DNAJC15: variants seen among roughly 807,000 people sequenced by gnomAD.
DNAJC15 encodes dnaJ homolog subfamily C member 15.
In DNAJC15, 27 loss-of-function variants were observed where a neutral mutation model predicts 22.4. That is an observed-to-expected ratio of 1.20 (90% CI 0.89 to 1.66). DNAJC15 has a LOEUF of 1.66. Among genes scored for constraint, DNAJC15 ranks in the 40% most tolerant of loss-of-function variants. DNAJC15 has a pLI of 0.00. For missense variants in DNAJC15, 208 were observed against 187.1 expected (o/e 1.11, Z -0.65); for synonymous variants, 79 against 63.2 (o/e 1.25, Z -1.19).
chr13:43,040,797 C>T (rs981249921), intron 1 of DNAJC15, among the ~76,000 whole-genome samples: 5 of 151,992 alleles, frequency 3.3e-5, no homozygotes, highest in East Asian at 3.9e-4. Context: ...CAGATAAGCA[C>T]GTGAACAAAG....
chr13:43,078,682 G>T lies in DNAJC15; in HGVS notation c.305G>T (p.Gly102Val). The change falls in exon 4 of 6, where the codon GGT becomes GTT. Residue 102 changes from glycine (G) to valine (V), a missense_variant. By Grantham distance (109) the Gly-to-Val change is moderately radical (BLOSUM62 -3). Transcript: ENST00000379221. ...MSRREAGLIL[G>V]VSPSAGKAKI... ...AGGCGAGAAGCTGGTCTTATTTTAG[G>T]TGTAAGGTAGGTGTGCAGCATAAGT... is the stretch of plus-strand genomic sequence containing the variant. 6.2e-6 allele frequency: 10 copies of T among 1,613,230 alleles called. No individual in the cohort carries two copies. The highest frequency in any genetic ancestry group is 8.5e-6 in the Non-Finnish European group (10 of 1,179,420).
chr13:43,098,948 G>A (rs889905744), intron 5 of DNAJC15, among the ~76,000 whole-genome samples: 1 of 152,020 alleles, frequency 6.6e-6, no homozygotes, highest in Non-Finnish European at 1.5e-5. Flanking sequence ...TGAGATTTTT[G>A]ATAAGGATTG....
intron 5 of DNAJC15, among the ~76,000 whole-genome samples, chr13:43,093,984 C>T (rs2040727698): frequency 6.6e-6 from 1 of 152,062 alleles, no homozygotes; most frequent in African/African-American, 2.4e-5. Context: ...GAAGAAAATA[C>T]GACTTCACAC....
intron 3 of DNAJC15, among the ~76,000 whole-genome samples, chr13:43,070,262 T>C (rs1298586714): frequency 6.6e-6 from 1 of 152,188 alleles, no homozygotes; most frequent in Non-Finnish European, 1.5e-5. Context: ...AATGCATGTC[T>C]GTGATTAGAG....
chr13:43,055,823 G>T (rs1317457805), intron 1 of DNAJC15, among the ~76,000 whole-genome samples: 1 of 152,022 alleles, frequency 6.6e-6, no homozygotes, highest in Non-Finnish European at 1.5e-5. Context: ...ACCTTACATT[G>T]TCTATTTGTG....
In DNAJC15 at chr13:43,110,116, A is replaced by C. The variant is rs1209586320; in HGVS notation, c.*2868A>C. On this transcript the variant is annotated 3_prime_UTR_variant, in exon 6 of 6. Coordinates refer to ENST00000379221, the MANE Select transcript of DNAJC15 (RefSeq NM_013238.3). Reference sequence around the variant, plus strand: ...ACAGCTCGTCTCTATTCCTTGCAGCATTAACAGGCTGGAGGCACCACTTCT... The same window carrying C: ...ACAGCTCGTCTCTATTCCTTGCAGCCTTAACAGGCTGGAGGCACCACTTCT... 1.3e-5 allele frequency: 2 copies of C among 152,216 alleles called. No homozygotes were observed. Among genetic ancestry groups the C allele is most frequent in the Non-Finnish European group, 2.9e-5 (2 of 68,060 alleles). The allele number at this position is 152,216 out of a possible 1,614,324, so 9.4% of individuals were successfully genotyped here. A position where few individuals can be genotyped will look rare whatever the true frequency, so the allele number is the denominator to read the frequency against.
chr13:43,082,852 A>G (rs1593325795), intron 4 of DNAJC15, among the ~76,000 whole-genome samples: 1 of 146,094 alleles, frequency 6.8e-6, no homozygotes. Context: ...ACCTATATAT[A>G]TATATATACA....
In DNAJC15 at chr13:43,054,537, CTT is replaced by C. The variant is rs556753896; in HGVS notation, c.109-11142_109-11141del. 2.2e-3 allele frequency among the ~76,000 whole-genome samples: 331 copies of C among 151,878 alleles called. 1 individual carries two copies. The highest frequency in any genetic ancestry group is 6.8e-3 in the Middle Eastern group (2 of 292). Reference sequence around the variant, plus strand: ...AGCTGTAAATCCATCTGGTCCTGGACTTTTTTTTGTTGACAGTTTTTTTGATT... The same window carrying C: ...AGCTGTAAATCCATCTGGTCCTGGACTTTTTTGTTGACAGTTTTTTTGATT... On this transcript the variant is annotated intron_variant, in intron 1 of 5. Transcript: ENST00000379221.
chr13:43,036,103 G>A (rs1029566981), intron 1 of DNAJC15, among the ~76,000 whole-genome samples: 2 of 151,022 alleles, frequency 1.3e-5, no homozygotes, highest in Non-Finnish European at 2.9e-5. Flanking sequence ...CTATTTTTCA[G>A]ATTCCATTTT....
Position 43,101,660 on chromosome 13 carries a change from C to G in DNAJC15, c.383-5518C>G, listed in dbSNP as rs191726886. ...CCATTATATCATTCTTATGCCCTTT[C>G]ACTTATAAGTGAGAATATACAATGA... On this transcript the variant is annotated intron_variant, in intron 5 of 5. Coordinates refer to ENST00000379221, the MANE Select transcript of DNAJC15 (RefSeq NM_013238.3). 1.6e-4 allele frequency among the ~76,000 whole-genome samples: 24 copies of G among 152,296 alleles called. No homozygotes were observed. The East Asian group carries it at 4.0e-3, about 26-fold the overall frequency.
In DNAJC15 at chr13:43,062,050, T is replaced by C. The variant is rs1593318383; in HGVS notation, c.109-3636T>C. Among the ~76,000 whole-genome samples, 5 of 152,216 alleles carry C rather than the reference T, an allele frequency of 3.3e-5. 1 individual carries two copies. Among genetic ancestry groups the C allele is most frequent in the Admixed American group, 3.3e-4 (5 of 15,290 alleles). ...TTATCAGTGAGGATCCTGGTAGTAA[T>C]AGGTGGATTTTTTTTTTCTTTTTGA... is the stretch of plus-strand genomic sequence containing the variant. On this transcript the variant is annotated intron_variant, in intron 1 of 5. Transcript: ENST00000379221.
chr13:43,093,512 G>A (rs2040725096), intron 5 of DNAJC15, among the ~76,000 whole-genome samples: 1 of 152,136 alleles, frequency 6.6e-6, no homozygotes, highest in South Asian at 2.1e-4. Context: ...TCAGACTCAA[G>A]CAGTCCTCTT....
chr13:43,088,018 T>G (rs913592524), intron 5 of DNAJC15, among the ~76,000 whole-genome samples: 1 of 151,992 alleles, frequency 6.6e-6, no homozygotes, highest in Non-Finnish European at 1.5e-5. Flanking sequence ...AAGAAAGAGG[T>G]TGGTGGTTAT....
At chr13:43,098,244 G>A (rs905775328) in intron 5 of DNAJC15, among the ~76,000 whole-genome samples, 2 of 152,164 alleles carry the variant, frequency 1.3e-5, no homozygotes, top group African/African-American at 4.8e-5. Flanking sequence ...TCTTCTAGCT[G>A]GAACGTAAGA....
rs17064039 is a variant in DNAJC15, at chr13:43,023,871, A to G, written c.108+137A>G. On this transcript the variant is annotated intron_variant, in intron 1 of 5. Transcript: ENST00000379221. ...TCTGTGCCCTAGCGCTCACTTGTTC[A>G]GTGGAGAGACCGCTTTGTGCTGGGC... The G allele has an allele frequency of 4.0e-3, 3,230 of 815,804 alleles. 85 individuals carry two copies. In the African/African-American group the frequency reaches 0.047, roughly 12 times the overall value. 50.5% of individuals were successfully genotyped at this position (815,804 alleles called of 1,614,324 possible).
intron 5 of DNAJC15, among the ~76,000 whole-genome samples, chr13:43,096,282 C>G (rs2040739156): frequency 6.6e-6 from 1 of 152,168 alleles, no homozygotes; most frequent in Non-Finnish European, 1.5e-5. Context: ...AAATTTTATG[C>G]AGTCCTAAGC....
At chr13:43,069,739 C>G (rs1477482403) in intron 3 of DNAJC15, among the ~76,000 whole-genome samples, 2 of 152,112 alleles carry the variant, frequency 1.3e-5, no homozygotes, top group Admixed American at 1.3e-4. Context: ...CAAATTGCTG[C>G]AAACCAAGTT....
chr13:43,045,451 C>T (rs920380405), intron 1 of DNAJC15, among the ~76,000 whole-genome samples: 1 of 152,146 alleles, frequency 6.6e-6, no homozygotes, highest in Non-Finnish European at 1.5e-5. Context: ...TTTACGGGCA[C>T]ACAACACTAA....
intron 4 of DNAJC15, among the ~76,000 whole-genome samples, chr13:43,081,797 G>A (rs753845788): frequency 6.6e-6 from 1 of 151,912 alleles, no homozygotes; most frequent in Admixed American, 6.6e-5. Context: ...AACTATATTA[G>A]TCCATTCTCA....
Sources: allele counts gnomAD v4.1 joint callset (sites outside exome capture counted in the v4.1 genomes callset), GRCh38; gene constraint gnomAD v4.1.1; transcripts MANE v1.5; gene names NCBI Gene and HGNC (gene_info 2026-07-23, HGNC 2026-07-21).